The following OIP5 variants were observed in gnomAD, a reference collection of about 807,000 sequenced individuals.
OIP5 encodes protein Mis18-beta.
In OIP5, 24 loss-of-function variants were observed where a neutral mutation model predicts 20.3. The observed-to-expected ratio is 1.18, with a 90% CI of 0.86 to 1.66. OIP5 has a LOEUF of 1.66. OIP5 is among the 40% of genes most tolerant of loss of function. The pLI is 0.00. For missense variants in OIP5, 339 were observed against 289.5 expected, an observed-to-expected ratio of 1.17 and a Z score of -1.24; for synonymous variants, 143 against 121.3, an observed-to-expected ratio of 1.18 and a Z score of -1.17.
intron 2 of OIP5, 68 bp downstream of exon 2, chr15:41,331,847 T>C (rs1225714883): frequency 1.5e-6 from 2 of 1,300,960 alleles, no homozygotes; most frequent in Non-Finnish European, 2.2e-6. Flanking sequence ...TCCTCGTACA[T>C]GTCAGTTCCA....
chr15:41,320,168 G>A (rs973205424), intron 2 of OIP5, among the ~76,000 whole-genome samples: 1 of 152,114 alleles, frequency 6.6e-6, no homozygotes, highest in Non-Finnish European at 1.5e-5. Flanking sequence ...CAAGTTGACT[G>A]GGGCCTTACT....
chr15:41,313,864 G>A (rs552740386), intron 3 of OIP5, among the ~76,000 whole-genome samples: 3 of 152,094 alleles, frequency 2.0e-5, no homozygotes, highest in Non-Finnish European at 4.4e-5. Flanking sequence ...GATACTGAAG[G>A]ATGACTGCAT....
In OIP5 at chr15:41,332,582, C is replaced by T. The variant is rs1353691225; in HGVS notation, c.-21G>A. On this transcript the variant is annotated 5_prime_UTR_variant, in exon 1 of 5. Coordinates refer to ENST00000220514, the MANE Select transcript of OIP5 (RefSeq NM_007280.2). ...GCCATCTTCCCGCAGCCGGCGCCTTCCTTTCGAATACACGCCAGGCCCCGC... is the reference window on the plus strand; with the variant it reads ...GCCATCTTCCCGCAGCCGGCGCCTTTCTTTCGAATACACGCCAGGCCCCGC... 9 of 1,583,970 alleles carry T rather than the reference C, an allele frequency of 5.7e-6. No individual in the cohort carries two copies. The highest frequency in any genetic ancestry group is 6.9e-6 in the Non-Finnish European group (8 of 1,165,832).
chr15:41,332,146 T>C (rs1288878728), intron 1 of OIP5, 94 bp downstream of exon 1: 42 of 1,425,036 alleles, frequency 2.9e-5, no homozygotes, highest in Admixed American at 1.4e-4. Context: ...CATCCCGTTT[T>C]CTTCCCCAGG....
Position 41,332,441 on chromosome 15 carries a change from T to C in OIP5, c.121A>G (p.Thr41Ala). 1 of 1,614,026 alleles carries C rather than the reference T, an allele frequency of 6.2e-7. No individual in the cohort carries two copies. Among genetic ancestry groups the C allele is most frequent in the Non-Finnish European group, 8.5e-7 (1 of 1,179,928 alleles). ...GGCGAGGACCCCTTCACCACCTGCG[T>C]ATCCCACTCCATGGAGGTCGTAAAA... is the stretch of plus-strand genomic sequence containing the variant. ...ASFTTSMEWD[T>A]QVVKGSSPLG... Residue 41 changes from threonine (T) to alanine (A), a missense_variant, in exon 1 of 5, where the codon ACG becomes GCG. By Grantham distance (58) the Thr-to-Ala change is moderately conservative. Transcript: ENST00000220514.
chr15:41,330,213 C>CCTGGGATTACAGCCTAG (rs949082478), intron 2 of OIP5, among the ~76,000 whole-genome samples: 1 of 151,958 alleles, frequency 6.6e-6, no homozygotes, highest in South Asian at 2.1e-4. Context: ...TCCTCAGCCT[C>CCTGGGATTACAGCCTAG]CTGGGATTAC....
chr15:41,332,325 C>T lies in OIP5; in HGVS notation c.237G>A (p.Gln79=). The change falls in exon 1 of 5, where the codon CAG becomes CAA. Residue 79 remains glutamine, a synonymous_variant. Transcript: ENST00000220514. ...CGAGCACTGCGTGACACTGTGCGCA[C>T]TGGAACACAGCGCACCTCTCAGGCT... ...WLQPERCAVF[Q]CAQCHAVLAD... 6.2e-7 allele frequency: 1 copy of T among 1,610,688 alleles called. No individual in the cohort carries two copies. The highest frequency in any genetic ancestry group is 1.3e-5 in the African/African-American group (1 of 74,960).
At position 41,309,801 on chromosome 15, in the gene OIP5, T is replaced by A; in HGVS notation, c.643A>T (p.Lys215Ter). The A allele has an allele frequency of 3.7e-6, 6 of 1,614,064 alleles. No individual in the cohort carries two copies. Among genetic ancestry groups the A allele is most frequent in the Non-Finnish European group, 5.1e-6 (6 of 1,179,926 alleles). The change falls in exon 5 of 5, where the codon AAG becomes TAG. Residue 215 changes from lysine (K) to a stop codon, truncating the protein, a stop_gained. Transcript: ENST00000220514. LOFTEE classifies it high-confidence loss of function. ...TCAGGAGTCACTTCACTCAGAATCT[T>A]CATTAGTGATTTTAAGCGATTGTGC... ...LTHNRLKSLMKILSEVTPDQS... is the reference protein window; with the variant it reads ...LTHNRLKSLM
rs2047744002 is a variant in OIP5, at chr15:41,309,851, T to G, written c.595-2A>C. The G allele has an allele frequency of 6.3e-7, 1 of 1,592,106 alleles. No homozygotes were observed. The highest frequency in any genetic ancestry group is 1.1e-5 in the South Asian group (1 of 90,300). ...CGTTAGCACTATCTTCTCTTTCAGC[T>G]AGGAAGAGAAATATATAGATATCAG... On this transcript the variant is annotated splice_acceptor_variant, in intron 4 of 4. Transcript: ENST00000220514. LOFTEE classifies it high-confidence loss of function.
intron 3 of OIP5, among the ~76,000 whole-genome samples, chr15:41,316,618 GTC>G: frequency 6.6e-6 from 1 of 151,756 alleles, no homozygotes; most frequent in South Asian, 2.1e-4. Context: ...GTGAAACCCC[GTC>G]TCTACTAAAA....
intron 2 of OIP5, among the ~76,000 whole-genome samples, chr15:41,325,295 A>C (rs2047854507): frequency 6.6e-6 from 1 of 151,956 alleles, no homozygotes; most frequent in East Asian, 1.9e-4. Context: ...AGTCCCAGCT[A>C]CTCGGGAGGC....
intron 2 of OIP5, among the ~76,000 whole-genome samples, chr15:41,326,956 C>G (rs1406334294): frequency 6.6e-6 from 1 of 151,684 alleles, no homozygotes; most frequent in Non-Finnish European, 1.5e-5. Context: ...ATGAGGTCAA[C>G]TAGATTATGT....
At chr15:41,318,217 C>A (rs1241271341) in intron 3 of OIP5, among the ~76,000 whole-genome samples, 1 of 152,140 alleles carries the variant, frequency 6.6e-6, no homozygotes, top group Non-Finnish European at 1.5e-5. Flanking sequence ...GGCTGAAGTG[C>A]AGTGGCTTGA....
intron 3 of OIP5, 82 bp downstream of exon 3, chr15:41,319,576 C>G: frequency 2.1e-6 from 3 of 1,453,036 alleles, no homozygotes; most frequent in Non-Finnish European, 1.9e-6. Flanking sequence ...CCTGAAAAAC[C>G]TTTTAAAATT....
rs746223783 is a variant in OIP5 at position 41,320,231 on chromosome 15, AAAAG to A, written c.390-455_390-452del. 8.5e-5 allele frequency among the ~76,000 whole-genome samples: 13 copies of A among 152,274 alleles called. No individual in the cohort carries two copies. In the East Asian group the frequency reaches 2.5e-3, roughly 29 times the overall value. On this transcript the variant is annotated intron_variant, in intron 2 of 4. Coordinates refer to ENST00000220514, the MANE Select transcript of OIP5 (RefSeq NM_007280.2). ...AAGGTTTGTCTTTTGCTTATATTAAAAAAGAAAGTTAATGAAAAAAATGCGCCCT... is the reference window on the plus strand; with the variant it reads ...AAGGTTTGTCTTTTGCTTATATTAAAAAAGTTAATGAAAAAAATGCGCCCT...
At chr15:41,325,391 G>A (rs1175807526) in intron 2 of OIP5, among the ~76,000 whole-genome samples, 1 of 151,986 alleles carries the variant, frequency 6.6e-6, no homozygotes, top group Non-Finnish European at 1.5e-5. Flanking sequence ...GGGTGACAGA[G>A]CGAGCCTCCG....
Position 41,313,287 on chromosome 15 carries a change from C to T in OIP5, c.580G>A (p.Glu194Lys). The T allele has an allele frequency of 6.3e-7, 1 of 1,598,600 alleles. No homozygotes were observed. The highest frequency in any genetic ancestry group is 8.5e-7 in the Non-Finnish European group (1 of 1,169,752). The change falls in exon 4 of 5, where the codon GAA becomes AAA. Residue 194 changes from glutamate (E) to lysine (K), a missense_variant. Physicochemically the swap from Glu to Lys is moderately conservative, Grantham distance 56. Coordinates refer to ENST00000220514, the MANE Select transcript of OIP5 (RefSeq NM_007280.2). ...TGAAATTTTACCTCTGCAATCTTTTCTGATAGAGGAACATTTTGAATATCC... is the reference window on the plus strand; with the variant it reads ...TGAAATTTTACCTCTGCAATCTTTTTTGATAGAGGAACATTTTGAATATCC... ...EMDIQNVPLS[E>K]KIAELKEKIV...
intron 3 of OIP5, among the ~76,000 whole-genome samples, chr15:41,315,562 C>A (rs563990447): frequency 6.6e-6 from 1 of 152,052 alleles, no homozygotes; most frequent in Non-Finnish European, 1.5e-5. Flanking sequence ...GCAGCCATCC[C>A]GAATCCAAGA....
At chr15:41,316,112 C>A (rs1228959915) in intron 3 of OIP5, among the ~76,000 whole-genome samples, 1 of 150,848 alleles carries the variant, frequency 6.6e-6, no homozygotes, top group Non-Finnish European at 1.5e-5. Flanking sequence ...CCAGCCTGGG[C>A]GAAAGAGCAA....
Sources: gnomAD v4.1 joint callset for allele counts (sites outside exome capture counted in the v4.1 genomes callset) on GRCh38, gnomAD v4.1.1 for gene constraint, MANE v1.5 for transcripts, NCBI Gene and HGNC (gene_info 2026-07-23, HGNC 2026-07-21) for gene names.